The following SOX5 variants were observed in gnomAD, a reference collection of about 807,000 sequenced individuals.
The protein encoded by SOX5 is SRY-box transcription factor 5.
Under a neutral mutation model 92.0 loss-of-function variants are expected in SOX5, and 9 were observed. That is an observed-to-expected ratio of 0.10 (90% CI 0.06 to 0.17). SOX5 has a LOEUF of 0.17. SOX5 is among the 10% of genes least tolerant of loss of function. The pLI is 1.00. For synonymous variants in SOX5, 344 were observed against 336.3 expected (o/e 1.02, Z -0.25); for missense variants, 642 against 944.5 (o/e 0.68, Z 4.20).
At chr12:24,305,993 G>T (rs1005578673) in intron 2 of SOX5, among the ~76,000 whole-genome samples, 1 of 152,198 alleles carries the variant, frequency 6.6e-6, no homozygotes, top group African/African-American at 2.4e-5. Flanking sequence ...AACTCTTCCT[G>T]CAAAGGGATG....
chr12:23,934,764 T>C (rs1366696743), intron 1 of SOX5, among the ~76,000 whole-genome samples: 2 of 151,346 alleles, frequency 1.3e-5, no homozygotes, highest in African/African-American at 4.8e-5. Context: ...AAGTTATAAA[T>C]GATTTCTTAT....
At chr12:23,773,299 T>A (rs1265348486) in intron 3 of SOX5, among the ~76,000 whole-genome samples, 1 of 152,150 alleles carries the variant, frequency 6.6e-6, no homozygotes, top group African/African-American at 2.4e-5. Context: ...CAAAATACAA[T>A]CTATTCTGAA....
At chr12:23,623,560 A>C (rs1263941096) in intron 8 of SOX5, among the ~76,000 whole-genome samples, 1 of 152,164 alleles carries the variant, frequency 6.6e-6, no homozygotes, top group Non-Finnish European at 1.5e-5. Flanking sequence ...TCATTCAAGA[A>C]ATATAAAAGA....
intron 6 of SOX5, among the ~76,000 whole-genome samples, chr12:23,690,446 A>G (rs2088560367): frequency 6.6e-6 from 1 of 152,212 alleles, no homozygotes; most frequent in Non-Finnish European, 1.5e-5. Flanking sequence ...CATTACAAAG[A>G]CATGGTCTAA....
At chr12:24,409,315 T>A (rs1318447814) in intron 1 of SOX5, among the ~76,000 whole-genome samples, 3 of 151,976 alleles carry the variant, frequency 2.0e-5, no homozygotes, top group Non-Finnish European at 4.4e-5. Context: ...GGGAACAATA[T>A]ACACCACCAG....
At chr12:24,184,256 T>A (rs1289170754) in intron 4 of SOX5, among the ~76,000 whole-genome samples, 2 of 152,140 alleles carry the variant, frequency 1.3e-5, no homozygotes, top group African/African-American at 4.8e-5. Flanking sequence ...GATAGTATGA[T>A]CAACAACAAA....
chr12:24,380,371 C>T (rs1957702677), intron 1 of SOX5, among the ~76,000 whole-genome samples: 2 of 152,196 alleles, frequency 1.3e-5, no homozygotes, highest in African/African-American at 4.8e-5. Flanking sequence ...CAAACTGCAT[C>T]TTTAAAGAGG....
At chr12:23,748,836 C>T (rs1313914980) in intron 4 of SOX5, among the ~76,000 whole-genome samples, 1 of 151,844 alleles carries the variant, frequency 6.6e-6, no homozygotes, top group Non-Finnish European at 1.5e-5. Flanking sequence ...CATTGTATTG[C>T]CTTTTAATAT....
chr12:24,058,245 G>C (rs756271656), intron 4 of SOX5, among the ~76,000 whole-genome samples: 3 of 152,142 alleles, frequency 2.0e-5, no homozygotes, highest in Non-Finnish European at 4.4e-5. Flanking sequence ...GTAACACATC[G>C]TCCTCACTGA....
chr12:23,579,766 C>T (rs7298301), intron 9 of SOX5, among the ~76,000 whole-genome samples: 50,169 of 151,850 alleles, frequency 0.33, 8,698 homozygotes, highest in South Asian at 0.4. Flanking sequence ...ATAAAACACA[C>T]ATTTAAACAT....
Position 24,269,528 on chromosome 12 carries a change from T to A in SOX5, c.-77+7688A>T, listed in dbSNP as rs565751508. 1.2e-3 allele frequency among the ~76,000 whole-genome samples: 183 copies of A among 152,270 alleles called. 2 individuals are homozygous for A. Among genetic ancestry groups the A allele is most frequent in the African/African-American group, 4.1e-3 (170 of 41,570 alleles). ...TAATATGGTGTTCAACTAAGCCTTT[T>A]TGTGACTATTATTGATTTGTTGGAA... On this transcript the variant is annotated intron_variant, in intron 3 of 4. Coordinates refer to the SOX5 transcript ENST00000446891.
intron 4 of SOX5, among the ~76,000 whole-genome samples, chr12:24,033,580 G>T (rs1955723925): frequency 6.6e-6 from 1 of 151,984 alleles, no homozygotes; most frequent in African/African-American, 2.4e-5. Context: ...GTTCTCACAA[G>T]CCTTCTAAAG....
chr12:24,254,048 T>G (rs1457787383), intron 3 of SOX5, among the ~76,000 whole-genome samples: 1 of 152,136 alleles, frequency 6.6e-6, no homozygotes, highest in East Asian at 1.9e-4. Context: ...GAGTGCCACA[T>G]AAGTAATGAC....
chr12:24,132,912 C>A (rs1294712281), intron 4 of SOX5, among the ~76,000 whole-genome samples: 1 of 152,184 alleles, frequency 6.6e-6, no homozygotes, highest in African/African-American at 2.4e-5. Flanking sequence ...AACAACCTGT[C>A]CATGCCTAGA....
At chr12:24,404,749 C>G (rs1962525764) in intron 1 of SOX5, among the ~76,000 whole-genome samples, 1 of 152,160 alleles carries the variant, frequency 6.6e-6, no homozygotes, top group Non-Finnish European at 1.5e-5. Context: ...TTGCGCTCCT[C>G]TGAACCCTGG....
intron 2 of SOX5, among the ~76,000 whole-genome samples, chr12:24,343,136 C>T (rs893024548): frequency 2.0e-5 from 3 of 152,192 alleles, no homozygotes; most frequent in African/African-American, 4.8e-5. Flanking sequence ...TGCTGAAGTG[C>T]GTGCCAGCCC....
At chr12:24,172,568 A>C (rs1165135138) in intron 4 of SOX5, among the ~76,000 whole-genome samples, 1 of 152,088 alleles carries the variant, frequency 6.6e-6, no homozygotes, top group Admixed American at 6.6e-5. Flanking sequence ...GAAAGATAAG[A>C]GAAAGAAAAA....
chr12:24,038,726 A>G (rs773424686), intron 4 of SOX5, among the ~76,000 whole-genome samples: 1 of 152,206 alleles, frequency 6.6e-6, no homozygotes, highest in Non-Finnish European at 1.5e-5. Flanking sequence ...AACCCTTTCA[A>G]CTTCGTATTA....
chr12:24,229,602 C>G (rs2088324367), intron 3 of SOX5, among the ~76,000 whole-genome samples: 1 of 152,140 alleles, frequency 6.6e-6, no homozygotes, highest in African/African-American at 2.4e-5. Context: ...TAATATTGAG[C>G]CATGTCATTT....
Sources: allele counts gnomAD v4.1 joint callset (sites outside exome capture counted in the v4.1 genomes callset), GRCh38; gene constraint gnomAD v4.1.1; transcripts MANE v1.5; gene names NCBI Gene and HGNC (gene_info 2026-07-23, HGNC 2026-07-21).